Variants in ASIC2 observed in about 807,000 individuals in gnomAD.
ASIC2 encodes the protein acid-sensing ion channel 2.
A neutral mutation model predicts 57.3 loss-of-function variants in ASIC2; 25 were observed. The ratio of observed to expected loss-of-function variants is 0.44; its 90% CI spans 0.32 to 0.61. The LOEUF is 0.61. Ranked by LOEUF, ASIC2 falls within the 20% of genes least tolerant of loss-of-function variation. ASIC2 has a pLI of 0.06. For synonymous variants in ASIC2, 319 were observed against 307.5 expected (o/e 1.04, Z -0.39); for missense variants, 641 against 738.1 (o/e 0.87, Z 1.52).
intron 3 of ASIC2, among the ~76,000 whole-genome samples, chr17:33,074,497 G>A (rs918831668): frequency 1.3e-5 from 2 of 152,114 alleles, no homozygotes; most frequent in African/African-American, 4.8e-5. Context: ...AGCACCTGGG[G>A]TTCCTCACGG....
chr17:33,926,493 T>C (rs1809393287), intron 1 of ASIC2, among the ~76,000 whole-genome samples: 2 of 152,226 alleles, frequency 1.3e-5, no homozygotes, highest in African/African-American at 4.8e-5. Context: ...ACAGTATTTT[T>C]AATAGTTTTG....
At chr17:33,892,464 C>G (rs765725952) in intron 1 of ASIC2, among the ~76,000 whole-genome samples, 2 of 152,126 alleles carry the variant, frequency 1.3e-5, no homozygotes, top group African/African-American at 2.4e-5. Flanking sequence ...TGGCAACCTC[C>G]TCATCAGCTT....
intron 1 of ASIC2, among the ~76,000 whole-genome samples, chr17:33,647,000 G>C (rs1246860456): frequency 6.6e-6 from 1 of 152,098 alleles, no homozygotes; most frequent in African/African-American, 2.4e-5. Context: ...TAGGTGGGAC[G>C]CACAGGAAGG....
At chr17:33,390,918 A>G in intron 1 of ASIC2, among the ~76,000 whole-genome samples, 1 of 152,234 alleles carries the variant, frequency 6.6e-6, no homozygotes, top group Non-Finnish European at 1.5e-5. Flanking sequence ...GGCAGGGATT[A>G]CATAAGTGCT....
At chr17:34,142,302 A>G (rs969002011) in intron 1 of ASIC2, among the ~76,000 whole-genome samples, 1 of 152,178 alleles carries the variant, frequency 6.6e-6, no homozygotes, top group Non-Finnish European at 1.5e-5. Flanking sequence ...GGGGAAATAC[A>G]AGGGAACACA....
intron 1 of ASIC2, among the ~76,000 whole-genome samples, chr17:33,807,906 A>C (rs2142151136): frequency 6.6e-6 from 1 of 152,322 alleles, no homozygotes; most frequent in Non-Finnish European, 1.5e-5. Flanking sequence ...TATTGACTTT[A>C]AGAGTTATTT....
At chr17:33,536,454 T>C (rs1228111572) in intron 1 of ASIC2, among the ~76,000 whole-genome samples, 2 of 152,216 alleles carry the variant, frequency 1.3e-5, no homozygotes, top group Non-Finnish European at 2.9e-5. Context: ...ATTTGCACTA[T>C]GGAAATTGAC....
At chr17:33,129,009 G>A (rs907754924) in intron 1 of ASIC2, among the ~76,000 whole-genome samples, 3 of 152,180 alleles carry the variant, frequency 2.0e-5, no homozygotes, top group African/African-American at 7.2e-5. Context: ...GCTTAGCATA[G>A]GCACTCAGTA....
At chr17:33,779,938 C>T (rs1028679762) in intron 1 of ASIC2, among the ~76,000 whole-genome samples, 1 of 143,696 alleles carries the variant, frequency 7.0e-6, no homozygotes, top group African/African-American at 2.6e-5. Context: ...ACAGAAGTAG[C>T]ATTTAGACCC....
In ASIC2 at chr17:33,477,563, C is replaced by T. The variant is rs558213131; in HGVS notation, c.556-365496G>A. On this transcript the variant is annotated intron_variant, in intron 1 of 9. Coordinates refer to the ASIC2 transcript ENST00000359872. ...AGTCTGTGCTTTAAATAGTGGCTGA[C>T]TTAAGAGGGCAAGGGGAATTCATTC... Among the ~76,000 whole-genome samples, 235 of 152,318 alleles carry T rather than the reference C, an allele frequency of 1.5e-3. 1 individual carries two copies. Among genetic ancestry groups the T allele is most frequent in the South Asian group, 1.2e-3 (6 of 4,830 alleles).
Position 33,928,579 on chromosome 17 carries a change from A to G in ASIC2, c.555+227399T>C, listed in dbSNP as rs1254714948. 3.9e-5 allele frequency among the ~76,000 whole-genome samples: 6 copies of G among 152,210 alleles called. No homozygotes were observed. In the East Asian group the frequency reaches 1.2e-3, roughly 29 times the overall value. On this transcript the variant is annotated intron_variant, in intron 1 of 9. Coordinates refer to the ASIC2 transcript ENST00000359872. Reference sequence around the variant, plus strand: ...AGCAAGGGCTCTGAGCTTCACCTCAAAAGATGAACTGTGCCTGTCAGACCC... The same window carrying G: ...AGCAAGGGCTCTGAGCTTCACCTCAGAAGATGAACTGTGCCTGTCAGACCC...
chr17:33,695,672 T>A (rs1344966152), intron 1 of ASIC2, among the ~76,000 whole-genome samples: 3 of 152,148 alleles, frequency 2.0e-5, no homozygotes, highest in African/African-American at 7.2e-5. Context: ...TCAGACAGAT[T>A]TTACTTACAC....
At chr17:33,445,926 T>C (rs1912001734) in intron 1 of ASIC2, among the ~76,000 whole-genome samples, 1 of 152,116 alleles carries the variant, frequency 6.6e-6, no homozygotes, top group Non-Finnish European at 1.5e-5. Flanking sequence ...TATTCCTGTT[T>C]GCAGAACACC....
chr17:33,842,453 G>A (rs113387066), intron 1 of ASIC2, among the ~76,000 whole-genome samples: 2 of 152,234 alleles, frequency 1.3e-5, no homozygotes, highest in African/African-American at 4.8e-5. Flanking sequence ...CACTTGGAAT[G>A]TGCTGCACTG....
At chr17:33,129,945 A>C (rs116543994) in intron 1 of ASIC2, among the ~76,000 whole-genome samples, 3,037 of 152,322 alleles carry the variant, frequency 0.02, 116 homozygotes, top group African/African-American at 0.07. Flanking sequence ...GCGGCTGAAC[A>C]GCGGCGGCCA....
intron 1 of ASIC2, chr17:34,038,323 C>T (rs1907970547): frequency 1.1e-5 from 17 of 1,610,374 alleles, no homozygotes; most frequent in African/African-American, 1.3e-5. Flanking sequence ...CTGTACAAAA[C>T]GAGTCAGTAT....
At chr17:33,537,150 C>G (rs1232337973) in intron 1 of ASIC2, among the ~76,000 whole-genome samples, 1 of 152,184 alleles carries the variant, frequency 6.6e-6, no homozygotes, top group Non-Finnish European at 1.5e-5. Flanking sequence ...ATCTGCCCAC[C>G]TTTCTGACTC....
chr17:33,605,997 T>G (rs1905223849), intron 1 of ASIC2, among the ~76,000 whole-genome samples: 1 of 152,238 alleles, frequency 6.6e-6, no homozygotes, highest in Non-Finnish European at 1.5e-5. Context: ...AGACTGCCAT[T>G]GATTTCCAGC....
chr17:33,406,817 C>T (rs1910491257), intron 1 of ASIC2, among the ~76,000 whole-genome samples: 1 of 152,058 alleles, frequency 6.6e-6, no homozygotes, highest in Non-Finnish European at 1.5e-5. Context: ...TAATGAGAGC[C>T]TAGAGAATTC....
Sources: gnomAD v4.1 joint callset for allele counts (sites outside exome capture counted in the v4.1 genomes callset) on GRCh38, gnomAD v4.1.1 for gene constraint, MANE v1.5 for transcripts, NCBI Gene and HGNC (gene_info 2026-07-23, HGNC 2026-07-21) for gene names.